ARB2A: variants seen among roughly 807,000 people sequenced by gnomAD.
ARB2A encodes the protein cotranscriptional regulator ARB2A.
At chr5:93,703,594 A>G in the ARB2A span, among the ~76,000 whole-genome samples, 371 of 152,364 alleles carry the variant, frequency 2.4e-3, 3 homozygotes, top group African/African-American at 8.5e-3. Flanking sequence ...CGAATCAATA[A>G]GAGGCAGAAT....
chr5:94,029,025 TGAGATA>T, the ARB2A span, among the ~76,000 whole-genome samples: 6 of 152,156 alleles, frequency 3.9e-5, no homozygotes, highest in Admixed American at 1.3e-4. Flanking sequence ...TTGTTTTGTT[TGAGATA>T]GAGTCTTGGT....
chr5:94,065,268 C>T, the ARB2A span, among the ~76,000 whole-genome samples: 1 of 152,158 alleles, frequency 6.6e-6, no homozygotes, highest in African/African-American at 2.4e-5. Context: ...AATCTCAGCA[C>T]TTTGGGGGGC....
chr5:93,976,499 C>T, the ARB2A span, among the ~76,000 whole-genome samples: 6 of 152,296 alleles, frequency 3.9e-5, no homozygotes, highest in Middle Eastern at 3.4e-3. Context: ...GTAATCCCCA[C>T]CTCTCAAGGG....
chr5:93,674,677 G>A, the ARB2A span, among the ~76,000 whole-genome samples: 4 of 152,118 alleles, frequency 2.6e-5, no homozygotes, highest in African/African-American at 9.7e-5. Context: ...AGAGAAGGAG[G>A]CCTGCCAAAG....
chr5:93,878,646 T>C, the ARB2A span, among the ~76,000 whole-genome samples: 2,495 of 151,946 alleles, frequency 0.016, 76 homozygotes, highest in African/African-American at 0.056. Flanking sequence ...TACATATTTA[T>C]AGAAATACTT....
the ARB2A span, among the ~76,000 whole-genome samples, chr5:93,682,242 T>TAA: frequency 4.4e-5 from 6 of 136,574 alleles, no homozygotes; most frequent in South Asian, 2.5e-4. Context: ...CAGTCTAACT[T>TAA]AAAAAAAAAA....
the ARB2A span, among the ~76,000 whole-genome samples, chr5:93,660,698 A>G: frequency 1.3e-5 from 2 of 152,140 alleles, no homozygotes; most frequent in African/African-American, 4.8e-5. Context: ...AGAGGTATGA[A>G]AAGCTGCTTT....
At chr5:93,838,408 A>G in the ARB2A span, among the ~76,000 whole-genome samples, 1 of 152,142 alleles carries the variant, frequency 6.6e-6, no homozygotes, top group African/African-American at 2.4e-5. Context: ...ATAGCCTTGC[A>G]GTAGAATTTG....
chr5:94,078,047 G>A, the ARB2A span, among the ~76,000 whole-genome samples: 2 of 152,192 alleles, frequency 1.3e-5, no homozygotes, highest in Non-Finnish European at 1.5e-5. Context: ...GGCACAAAAT[G>A]TGGCATATGC....
the ARB2A span, among the ~76,000 whole-genome samples, chr5:93,931,804 T>C: frequency 4.6e-4 from 70 of 152,244 alleles, no homozygotes; most frequent in African/African-American, 1.5e-3. Context: ...CCTTTAAGTA[T>C]AAACTCTATC....
At chr5:93,743,192 G>A in the ARB2A span, 1 of 152,194 alleles carries the variant, frequency 6.6e-6, no homozygotes, top group Non-Finnish European at 1.5e-5. Flanking sequence ...AAAAGAATCA[G>A]AAAATTGGCT....
At chr5:93,735,432 A>G in the ARB2A span, 9 of 152,250 alleles carry the variant, frequency 5.9e-5, no homozygotes, top group African/African-American at 2.2e-4. Flanking sequence ...CTGTTCCCTG[A>G]GATTGAGAGC....
At chr5:93,698,053 A>G in the ARB2A span, among the ~76,000 whole-genome samples, 28 of 152,282 alleles carry the variant, frequency 1.8e-4, no homozygotes, top group Middle Eastern at 0.014. Flanking sequence ...TTTTGGTAAG[A>G]GTGATTTTCA....
chr5:93,991,431 T>C, the ARB2A span, among the ~76,000 whole-genome samples: 2 of 151,906 alleles, frequency 1.3e-5, no homozygotes, highest in Non-Finnish European at 2.9e-5. Flanking sequence ...CAGGAAAACG[T>C]GATTCATAAC....
the ARB2A span, chr5:93,804,807 T>C: frequency 1.8e-6 from 1 of 543,878 alleles, no homozygotes; most frequent in Middle Eastern, 9.2e-4. Flanking sequence ...AGTATATCTT[T>C]AGTAATCTTT....
the ARB2A span, among the ~76,000 whole-genome samples, chr5:93,869,677 C>T: frequency 1.3e-5 from 2 of 152,298 alleles, no homozygotes; most frequent in Middle Eastern, 3.4e-3. Context: ...TGATTTGTTT[C>T]TGCCCCACCC....
chr5:93,874,388 AG>A, the ARB2A span, among the ~76,000 whole-genome samples: 2 of 152,130 alleles, frequency 1.3e-5, no homozygotes, highest in African/African-American at 4.8e-5. Context: ...CAGTGATTAG[AG>A]GGTACTTTCA....
chr5:93,916,700 T>G, the ARB2A span, among the ~76,000 whole-genome samples: 2 of 152,090 alleles, frequency 1.3e-5, no homozygotes, highest in Admixed American at 6.6e-5. Flanking sequence ...CCCTAAACTA[T>G]GTACTTTCCT....
the ARB2A span, among the ~76,000 whole-genome samples, chr5:93,896,691 G>C: frequency 6.6e-6 from 1 of 151,948 alleles, no homozygotes; most frequent in African/African-American, 2.4e-5. Flanking sequence ...GAATTAACTA[G>C]CATTTCAATG....
Sources: allele counts gnomAD v4.1 joint callset (sites outside exome capture counted in the v4.1 genomes callset), GRCh38; gene constraint gnomAD v4.1.1; transcripts MANE v1.5; gene names NCBI Gene and HGNC (gene_info 2026-07-23, HGNC 2026-07-21).